Variants in ARHGEF3 observed in about 807,000 individuals in gnomAD.
ARHGEF3 encodes 59.8 kDA protein.
A neutral mutation model predicts 63.2 loss-of-function variants in ARHGEF3; 28 were observed. The ratio of observed to expected loss-of-function variants is 0.44; its 90% CI spans 0.33 to 0.61. ARHGEF3 has a LOEUF of 0.61. Among genes scored for constraint, ARHGEF3 ranks in the 20% least tolerant of loss-of-function variants. The pLI is 0.03. For missense variants in ARHGEF3, 533 were observed against 659.3 expected (o/e 0.81, Z 2.10); for synonymous variants, 266 against 254.2 (o/e 1.05, Z -0.44).
chr3:56,986,713 G>A (rs945619695), intron 2 of ARHGEF3, among the ~76,000 whole-genome samples: 5 of 151,984 alleles, frequency 3.3e-5, no homozygotes, highest in Non-Finnish European at 1.5e-5. Context: ...CACCTCGAAG[G>A]CAGTTTCAGG....
intron 1 of ARHGEF3, among the ~76,000 whole-genome samples, chr3:57,077,958 T>C (rs559681638): frequency 1.3e-5 from 2 of 152,124 alleles, no homozygotes; most frequent in Admixed American, 1.3e-4. Flanking sequence ...CTTACCAGAA[T>C]AAGGGGAAGG....
rs1553755599 is a variant in ARHGEF3, at chr3:56,792,831, T to TA, written c.96+8871dup. On this transcript the variant is annotated intron_variant, in intron 1 of 9. Transcript: ENST00000296315. Reference sequence around the variant, plus strand: ...TTTTCTTTTTCTTATTTTTTTTTTTTAAATAGAGACAAGGTCTTGCTATGT... The same window carrying TA: ...TTTTCTTTTTCTTATTTTTTTTTTTTAAAATAGAGACAAGGTCTTGCTATGT... Among the ~76,000 whole-genome samples, 363 of 151,830 alleles carry TA rather than the reference T, an allele frequency of 2.4e-3. 1 individual carries two copies. The highest frequency in any genetic ancestry group is 8.1e-3 in the African/African-American group (337 of 41,398).
At chr3:56,823,157 A>G (rs969593334) in intron 4 of ARHGEF3, among the ~76,000 whole-genome samples, 1 of 152,354 alleles carries the variant, frequency 6.6e-6, no homozygotes. Flanking sequence ...GGAAGCAATC[A>G]TTATTATCCT....
intron 4 of ARHGEF3, among the ~76,000 whole-genome samples, chr3:56,854,346 A>G (rs917130542): frequency 6.6e-5 from 10 of 152,200 alleles, no homozygotes; most frequent in African/African-American, 1.9e-4. Flanking sequence ...GAGCAGTGCA[A>G]TGGAGAAAGA....
chr3:56,936,774 CA>C (rs1158118463), intron 3 of ARHGEF3, among the ~76,000 whole-genome samples: 11 of 152,134 alleles, frequency 7.2e-5, no homozygotes, highest in Non-Finnish European at 1.3e-4. Context: ...GGCTGGACTG[CA>C]GTCGCACAAT....
At chr3:57,013,302 A>T (rs552961831) in intron 2 of ARHGEF3, among the ~76,000 whole-genome samples, 2 of 152,312 alleles carry the variant, frequency 1.3e-5, no homozygotes, top group African/African-American at 4.8e-5. Context: ...CTGGCATGGG[A>T]TCCACTAGGC....
At chr3:57,071,086 T>C (rs1705874166) in intron 1 of ARHGEF3, among the ~76,000 whole-genome samples, 1 of 151,974 alleles carries the variant, frequency 6.6e-6, no homozygotes, top group Non-Finnish European at 1.5e-5. Context: ...CAAGACAGTA[T>C]AGACAGCAAT....
chr3:56,877,935 A>G (rs750466409), intron 4 of ARHGEF3, among the ~76,000 whole-genome samples: 80 of 152,192 alleles, frequency 5.3e-4, no homozygotes, highest in Non-Finnish European at 1.0e-3. Flanking sequence ...ATGAAAAAAA[A>G]TTAAAGGTTT....
intron 2 of ARHGEF3, among the ~76,000 whole-genome samples, chr3:57,027,636 C>T (rs978383957): frequency 3.9e-5 from 6 of 152,094 alleles, no homozygotes; most frequent in Admixed American, 6.5e-5. Flanking sequence ...GGGTGGATCA[C>T]GTGAGGCCAG....
rs938345476 is a variant in ARHGEF3, at chr3:56,989,879, C to G, written c.63-30990G>C. Among the ~76,000 whole-genome samples the G allele has an allele frequency of 2.6e-5, 4 of 152,222 alleles. No homozygotes were observed. In the South Asian group the frequency reaches 8.3e-4, roughly 32 times the overall value. On this transcript the variant is annotated intron_variant, in intron 2 of 12. Coordinates refer to the ARHGEF3 transcript ENST00000338458. ...TGTCCCCATTGTGAACTTGACTTTC[C>G]TCCTCTGGAACAATAATGGGAGCCG...
chr3:56,888,994 A>G (rs569576546), intron 3 of ARHGEF3, among the ~76,000 whole-genome samples: 13 of 152,228 alleles, frequency 8.5e-5, no homozygotes, highest in Admixed American at 2.6e-4. Context: ...GCATATTCCA[A>G]TGGGAGGTCT....
intron 4 of ARHGEF3, among the ~76,000 whole-genome samples, chr3:56,878,100 C>A (rs553840417): frequency 6.6e-6 from 1 of 152,258 alleles, no homozygotes; most frequent in African/African-American, 2.4e-5. Context: ...TTTATTTCCA[C>A]CCAGAGCTCA....
chr3:56,943,913 C>CAA (rs71621851), intron 3 of ARHGEF3, among the ~76,000 whole-genome samples: 72 of 121,916 alleles, frequency 5.9e-4, no homozygotes, highest in East Asian at 1.0e-3. Flanking sequence ...GACTCCGACT[C>CAA]AAAAAAAAAA....
intron 2 of ARHGEF3, among the ~76,000 whole-genome samples, chr3:56,959,465 A>T (rs1578955201): frequency 6.6e-6 from 1 of 152,004 alleles, no homozygotes; most frequent in Non-Finnish European, 1.5e-5. Context: ...GCACAAAGAG[A>T]CTCCAGGCAC....
intron 4 of ARHGEF3, among the ~76,000 whole-genome samples, chr3:56,864,404 T>TC (rs1486620990): frequency 6.6e-6 from 1 of 152,236 alleles, no homozygotes; most frequent in African/African-American, 2.4e-5. Context: ...CACCTTACCT[T>TC]CTTTCAGCTT....
chr3:56,935,427 G>T (rs900959361), intron 3 of ARHGEF3, among the ~76,000 whole-genome samples: 2 of 152,108 alleles, frequency 1.3e-5, no homozygotes, highest in Non-Finnish European at 2.9e-5. Context: ...GCAACCCGCT[G>T]GGGTCCCCTT....
chr3:56,830,264 G>A (rs1441238136), intron 4 of ARHGEF3, among the ~76,000 whole-genome samples: 1 of 152,144 alleles, frequency 6.6e-6, no homozygotes, highest in East Asian at 1.9e-4. Context: ...TGGTGCTGGT[G>A]GGGATGGTTG....
At chr3:56,986,122 C>A (rs1226270311) in intron 2 of ARHGEF3, among the ~76,000 whole-genome samples, 1 of 152,168 alleles carries the variant, frequency 6.6e-6, no homozygotes, top group Non-Finnish European at 1.5e-5. Flanking sequence ...CATGAATCAC[C>A]AGCAGGGGGA....
At chr3:56,866,186 C>G (rs1052094083) in intron 4 of ARHGEF3, among the ~76,000 whole-genome samples, 1 of 152,000 alleles carries the variant, frequency 6.6e-6, no homozygotes, top group Non-Finnish European at 1.5e-5. Flanking sequence ...CAAAACAAAA[C>G]AAACCCCACC....
Sources: gnomAD v4.1 joint callset for allele counts (sites outside exome capture counted in the v4.1 genomes callset) on GRCh38, gnomAD v4.1.1 for gene constraint, MANE v1.5 for transcripts, NCBI Gene and HGNC (gene_info 2026-07-23, HGNC 2026-07-21) for gene names.